USP2: variants seen among roughly 807,000 people sequenced by gnomAD.
The protein encoded by USP2 is ubiquitin specific peptidase 2, also known as ubiquitin carboxyl-terminal hydrolase 2.
In USP2, 33 loss-of-function variants were observed where a neutral mutation model predicts 72.0. That is an observed-to-expected ratio of 0.46 (90% CI 0.35 to 0.61). The LOEUF (loss-of-function observed/expected upper bound fraction) is 0.61, where lower values mean the gene tolerates loss of function less well. Ranked by LOEUF, USP2 falls within the 20% of genes least tolerant of loss-of-function variation. The pLI is 0.01. For missense variants in USP2, 691 were observed against 797.8 expected (o/e 0.87, Z 1.61); for synonymous variants, 296 against 312.5 (o/e 0.95, Z 0.56).
At chr11:119,375,094 TG>T (rs1950983427) in intron 1 of USP2, among the ~76,000 whole-genome samples, 1 of 152,208 alleles carries the variant, frequency 6.6e-6, no homozygotes, top group African/African-American at 2.4e-5. Context: ...GGCCTCAGCT[TG>T]GGATGCCAGG....
In USP2 at chr11:119,365,830, ATATAT is replaced by A. The variant is rs1446337193; in HGVS notation, c.775-5601_775-5597del. Reference sequence around the variant, plus strand: ...CCAGGCACTGGGTTAAGGGTTTTATATATATTATCCCAGTTAATTTCTATAACATC... The same window carrying A: ...CCAGGCACTGGGTTAAGGGTTTTATATATCCCAGTTAATTTCTATAACATC... On this transcript the variant is annotated intron_variant, in intron 2 of 12. Coordinates refer to ENST00000260187, the MANE Select transcript of USP2 (RefSeq NM_004205.5). Among the ~76,000 whole-genome samples, 10 of 152,196 alleles carry A rather than the reference ATATAT, an allele frequency of 6.6e-5. No individual in the cohort carries two copies. In the East Asian group the frequency reaches 1.9e-3, roughly 29 times the overall value.
Position 119,359,261 on chromosome 11 carries a change from T to C in USP2, c.1031A>G (p.Gln344Arg). 1 of 1,614,016 alleles carries C rather than the reference T, an allele frequency of 6.2e-7. No individual in the cohort carries two copies. Among genetic ancestry groups the C allele is most frequent in the South Asian group, 1.1e-5 (1 of 91,070 alleles). ...VSPSEFKTQI[Q>R]RYAPRFVGYN... ...GCCAACAAAGCGCGGTGCGTATCTC[T>C]GGATCTGGGTCTTGAACTCAGATGG... is the stretch of plus-strand genomic sequence containing the variant. Residue 344 changes from glutamine (Q) to arginine (R), a missense_variant, in exon 5 of 13, where the codon CAG (glutamine) becomes CGG (arginine). Gln to Arg is a conservative substitution (Grantham distance 43, BLOSUM62 1). Transcript: ENST00000260187.
Position 119,356,091 on chromosome 11 carries a change from T to C in USP2, c.*744A>G, listed in dbSNP as rs1950646017. The C allele has an allele frequency of 1.3e-5, 2 of 149,356 alleles. No homozygotes were observed. The highest frequency in any genetic ancestry group is 4.3e-4 in the South Asian group (2 of 4,676). The allele number at this position is 149,356 out of a possible 1,614,324, so 9.3% of individuals were successfully genotyped here. On this transcript the variant is annotated 3_prime_UTR_variant, in exon 13 of 13. Transcript: ENST00000260187. ...CCCAAACCCCCAAAACAGAAACTTG[T>C]TTTAGATCCCAGGTCTACTGTGGCT...
chr11:119,362,342 C>T (rs1324496166), intron 2 of USP2, among the ~76,000 whole-genome samples: 1 of 152,146 alleles, frequency 6.6e-6, no homozygotes, highest in Non-Finnish European at 1.5e-5. Flanking sequence ...GAGGATCTAA[C>T]CCCTCTATTG....
intron 4 of USP2, 92 bp downstream of exon 4, chr11:119,359,445 A>G: frequency 6.3e-7 from 1 of 1,594,486 alleles, no homozygotes; most frequent in Non-Finnish European, 8.5e-7. Flanking sequence ...CAGACAGGAT[A>G]GGAGTGTCTA....
intron 8 of USP2, 25 bp from the exon 9 acceptor site, chr11:119,358,086 T>C (rs1172692495): frequency 1.2e-6 from 2 of 1,613,858 alleles, no homozygotes; most frequent in East Asian, 4.5e-5. Flanking sequence ...AAAGCAAAGG[T>C]CAGAGGTCAA....
chr11:119,356,773 T>G lies in USP2; in HGVS notation c.*62A>C. 6.9e-7 allele frequency: 1 copy of G among 1,455,680 alleles called. No individual in the cohort carries two copies. Among genetic ancestry groups the G allele is most frequent in the Non-Finnish European group, 9.2e-7 (1 of 1,087,266 alleles). The allele number at this position is 1,455,680 out of a possible 1,614,324, so 90.2% of individuals were successfully genotyped here. On this transcript the variant is annotated 3_prime_UTR_variant, in exon 13 of 13. Coordinates refer to ENST00000260187, the MANE Select transcript of USP2 (RefSeq NM_004205.5). Reference sequence around the variant, plus strand: ...TGTTGTTGTTGTTTTGTTTTTGTCTTTTTAAAAAATTTAGGGAGCGGGGCC... The same window carrying G: ...TGTTGTTGTTGTTTTGTTTTTGTCTGTTTAAAAAATTTAGGGAGCGGGGCC...
chr11:119,381,384 A>C, intron 1 of USP2, 89 bp downstream of exon 1: 1 of 1,375,528 alleles, frequency 7.3e-7, no homozygotes, highest in South Asian at 1.3e-5. Flanking sequence ...CACTCTGCCC[A>C]GAATGTCGTG....
chr11:119,378,145 T>C (rs76560104), intron 1 of USP2, among the ~76,000 whole-genome samples: 13,987 of 152,090 alleles, frequency 0.092, 981 homozygotes, highest in Admixed American at 0.22. Context: ...AGCATCAGAA[T>C]GTGCTGACCT....
chr11:119,364,340 G>T (rs917743933), intron 2 of USP2: 25 of 286,092 alleles, frequency 8.7e-5, no homozygotes, highest in Non-Finnish European at 1.3e-4. Flanking sequence ...GACAAGGTCG[G>T]TCCTCCCCCG....
intron 1 of USP2, among the ~76,000 whole-genome samples, chr11:119,374,139 G>A (rs1381326969): frequency 6.6e-6 from 1 of 152,182 alleles, no homozygotes; most frequent in Non-Finnish European, 1.5e-5. Flanking sequence ...GGGCCAGAAC[G>A]TGGTCTCCAG....
chr11:119,373,266 A>T lies in USP2; in HGVS notation c.215T>A (p.Leu72Gln), dbSNP rs902390005. 6.2e-7 allele frequency: 1 copy of T among 1,613,740 alleles called. No individual in the cohort carries two copies. The highest frequency in any genetic ancestry group is 1.3e-5 in the African/African-American group (1 of 74,904). ...RPRTYGPSSLLDYDRGRPLLR... is the reference protein window; with the variant it reads ...RPRTYGPSSLQDYDRGRPLLR... ...CAGGGGGCGGCCCCGGTCATAGTCC[A>T]GGAGGGAGGAGGGGCCATAGGTACG... Residue 72 changes from leucine (L) to glutamine (Q), a missense_variant, in exon 2 of 13, where the codon CTG becomes CAG. Transcript: ENST00000260187.
intron 2 of USP2, chr11:119,364,186 C>T (rs985444700): frequency 9.4e-6 from 11 of 1,174,988 alleles, no homozygotes; most frequent in Admixed American, 4.6e-5. Context: ...GCCCGGGTCC[C>T]GGCTCTCGCG....
chr11:119,369,799 C>T (rs985268623), intron 2 of USP2, among the ~76,000 whole-genome samples: 3 of 152,112 alleles, frequency 2.0e-5, no homozygotes, highest in African/African-American at 7.2e-5. Context: ...ACGAGCAGCC[C>T]GTCCCAGCCT....
chr11:119,378,040 C>T (rs148874001), intron 1 of USP2, among the ~76,000 whole-genome samples: 258 of 152,182 alleles, frequency 1.7e-3, no homozygotes, highest in African/African-American at 5.9e-3. Flanking sequence ...CTCAGGTGCC[C>T]GGAAAAGGTG....
intron 2 of USP2, among the ~76,000 whole-genome samples, chr11:119,365,586 A>G (rs913942938): frequency 3.3e-5 from 5 of 152,182 alleles, no homozygotes; most frequent in Non-Finnish European, 7.3e-5. Context: ...GCCCTACACC[A>G]TCTGAAGCAA....
At chr11:119,359,699 G>C in intron 3 of USP2, 39 bp from the exon 4 acceptor site, 1 of 1,606,498 alleles carries the variant, frequency 6.2e-7, no homozygotes, top group Non-Finnish European at 8.5e-7. Flanking sequence ...GGAGACGAGA[G>C]TCCCACCTTC....
intron 12 of USP2, 61 bp downstream of exon 12, chr11:119,357,126 G>A: frequency 6.7e-7 from 1 of 1,491,970 alleles, no homozygotes; most frequent in South Asian, 1.2e-5. Context: ...GGGGAGGGTG[G>A]AGGAGTGGGG....
chr11:119,361,289 T>C (rs902024089), intron 2 of USP2, among the ~76,000 whole-genome samples: 9 of 151,452 alleles, frequency 5.9e-5, no homozygotes, highest in African/African-American at 1.9e-4. Flanking sequence ...GGTGAGGGGG[T>C]TGGAGAGAGA....
Sources: gnomAD v4.1 joint callset for allele counts (sites outside exome capture counted in the v4.1 genomes callset) on GRCh38, gnomAD v4.1.1 for gene constraint, MANE v1.5 for transcripts, NCBI Gene and HGNC (gene_info 2026-07-23, HGNC 2026-07-21) for gene names.